Variants in CHST12 observed in about 807,000 individuals in gnomAD.
The protein encoded by CHST12 is carbohydrate (chondroitin 4) sulfotransferase 12.
CHST12 carries 23 observed loss-of-function variants against 27.9 expected under a neutral mutation model. The observed-to-expected ratio is 0.82, with a 90% CI of 0.59 to 1.17. The LOEUF (loss-of-function observed/expected upper bound fraction) is 1.17. Among genes scored for constraint, CHST12 ranks in the 50% most tolerant of loss-of-function variants. CHST12 has a pLI of 0.00. For synonymous variants in CHST12, 322 were observed against 273.0 expected (o/e 1.18, Z -1.77); for missense variants, 682 against 603.0 (o/e 1.13, Z -1.37).
chr7:2,417,698 CTTTTCTGT>C (rs1032130299), intron 1 of CHST12, among the ~76,000 whole-genome samples: 3 of 152,116 alleles, frequency 2.0e-5, no homozygotes, highest in Admixed American at 6.5e-5. Flanking sequence ...CCTTACTCCA[CTTTTCTGT>C]TGTACTTGGG....
rs1001240305 is a variant in CHST12, at chr7:2,435,465, G to A, written c.*1581G>A. ...TGAACCCTCAGGTTTGATGGGCCCT[G>A]TCTTGATAAAAGTGTCAGAGGAGGC... On this transcript the variant is annotated 3_prime_UTR_variant, in exon 2 of 2. Transcript: ENST00000618655. 6.6e-6 allele frequency: 1 copy of A among 152,230 alleles called. No individual in the cohort carries two copies. The highest frequency in any genetic ancestry group is 2.4e-5 in the African/African-American group (1 of 41,440). 9.4% of individuals were successfully genotyped at this position (152,230 alleles called of 1,614,324 possible). A position where few individuals can be genotyped will look rare whatever the true frequency, so the allele number is the denominator to read the frequency against.
chr7:2,421,438 CTT>C (rs566799688), intron 1 of CHST12, among the ~76,000 whole-genome samples: 9 of 127,190 alleles, frequency 7.1e-5, no homozygotes, highest in Admixed American at 1.6e-4. Context: ...TTTTTTTTTA[CTT>C]TTTTTTTTTT....
In CHST12 at chr7:2,443,671, C is replaced by T. The variant is rs1017715726; in HGVS notation, c.*9787C>T. The T allele has an allele frequency of 1.3e-5, 2 of 152,192 alleles. No individual in the cohort carries two copies. Among genetic ancestry groups the T allele is most frequent in the African/African-American group, 4.8e-5 (2 of 41,448 alleles). The allele number at this position is 152,192 out of a possible 1,614,324, so 9.4% of individuals were successfully genotyped here. On this transcript the variant is annotated 3_prime_UTR_variant, in exon 2 of 2. Transcript: ENST00000618655. ...GTCGGGACTCTGCAGCCGAGTTTGC[C>T]TCCTTGAATGCACACATAACACAGG... is the stretch of plus-strand genomic sequence containing the variant.
rs746944713 is a variant in CHST12, at chr7:2,441,608, G to T, written c.*7724G>T. The T allele has an allele frequency of 6.6e-6, 1 of 150,674 alleles. No individual in the cohort carries two copies. The highest frequency in any genetic ancestry group is 2.5e-5 in the African/African-American group (1 of 40,798). The allele number at this position is 150,674 out of a possible 1,614,324, so 9.3% of individuals were successfully genotyped here. On this transcript the variant is annotated 3_prime_UTR_variant, in exon 2 of 2. Transcript: ENST00000618655. ...CTTGGGAGGCTGAGGTGGGAGGATC[G>T]CTTGAGTCTGGGAGGTCGAGGCTGC... is the stretch of plus-strand genomic sequence containing the variant.
chr7:2,433,130 G>A lies in CHST12; in HGVS notation c.491G>A (p.Gly164Glu), dbSNP rs1450580849. Residue 164 changes from glycine (G) to glutamate (E), a missense_variant, in exon 2 of 2, where the codon GGG becomes GAG. Physicochemically the swap from Gly to Glu is moderately conservative, Grantham distance 98 (BLOSUM62 -2). Coordinates refer to ENST00000618655, the MANE Select transcript of CHST12 (RefSeq NM_018641.5). The surrounding 1 kb of genome is among the most constrained non-coding windows in gnomAD (Gnocchi z 6.1). The stretch of plus-strand genomic sequence containing the variant: ...CACCTGATCGTGGACGACCGGCACG[G>A]GGCCATCTACTGCTACGTGCCCAAG... ...LSHLIVDDRH[G>E]AIYCYVPKVA... 3.1e-6 allele frequency: 5 copies of A among 1,612,586 alleles called. No homozygotes were observed. The highest frequency in any genetic ancestry group is 4.5e-5 in the East Asian group (2 of 44,864).
At position 2,419,707 on chromosome 7, in the gene CHST12, C is replaced by CAAA. The variant is rs562438536; in HGVS notation, c.-77-12840_-77-12838dup. Among the ~76,000 whole-genome samples the CAAA allele has an allele frequency of 1.1e-4, 11 of 99,868 alleles. 1 individual carries two copies. Among genetic ancestry groups the CAAA allele is most frequent in the Non-Finnish European group, 8.8e-5 (4 of 45,482 alleles). The allele number at this position is 99,868 out of a possible 152,430, so 65.5% of individuals were successfully genotyped here. ...AGGCAACAAGAGCAAAACTCCGTCT[C>CAAA]AAAAAAAAAAAAAAAAAATTACCAT... On this transcript the variant is annotated intron_variant, in intron 1 of 1. Coordinates refer to ENST00000618655, the MANE Select transcript of CHST12 (RefSeq NM_018641.5).
Position 2,443,520 on chromosome 7 carries a change from C to G in CHST12, c.*9636C>G, listed in dbSNP as rs1278825307. 6.6e-6 allele frequency: 1 copy of G among 152,124 alleles called. No individual in the cohort carries two copies. Among genetic ancestry groups the G allele is most frequent in the Non-Finnish European group, 1.5e-5 (1 of 68,042 alleles). 9.4% of individuals were successfully genotyped at this position (152,124 alleles called of 1,614,324 possible). Reference sequence around the variant, plus strand: ...GGGGACCGCGGCTCTGGAGTATATGCCTAGGAGTAGGAGTGTGGGGTCATA... The same window carrying G: ...GGGGACCGCGGCTCTGGAGTATATGGCTAGGAGTAGGAGTGTGGGGTCATA... On this transcript the variant is annotated 3_prime_UTR_variant, in exon 2 of 2. Coordinates refer to ENST00000618655, the MANE Select transcript of CHST12 (RefSeq NM_018641.5).
intron 1 of CHST12, 38 bp from the exon 2 acceptor site, chr7:2,432,525 C>T (rs1193674969): frequency 2.5e-6 from 3 of 1,202,572 alleles, no homozygotes; most frequent in Middle Eastern, 2.7e-4. Context: ...AGCCCCAGTG[C>T]ACCTCAGTCA....
chr7:2,428,727 A>G (rs1782198059), intron 1 of CHST12, among the ~76,000 whole-genome samples: 1 of 152,196 alleles, frequency 6.6e-6, no homozygotes, highest in Non-Finnish European at 1.5e-5. Context: ...GTGCATCAGT[A>G]ATTTCTAACA....
chr7:2,431,687 C>G (rs565189678), intron 1 of CHST12, among the ~76,000 whole-genome samples: 1 of 152,336 alleles, frequency 6.6e-6, no homozygotes, highest in South Asian at 2.1e-4. Context: ...CCCCCTGGTG[C>G]CTGGCAGGGG....
chr7:2,403,680 GGCGCGGC>G lies in CHST12; in HGVS notation c.-78+9_-78+15del, dbSNP rs1375838077. The G allele has an allele frequency of 2.6e-5, 4 of 153,754 alleles. No homozygotes were observed. Among genetic ancestry groups the G allele is most frequent in the Non-Finnish European group, 5.7e-5 (4 of 69,704 alleles). The allele number at this position is 153,754 out of a possible 1,614,324, so 9.5% of individuals were successfully genotyped here. A position where few individuals can be genotyped will look rare whatever the true frequency, so the allele number is the denominator to read the frequency against. ...GCGAGGTGAGGGTCGCGAGGTGAGGGGCGCGGCGGGCGGCGGGCTCGGGGCGCGGTCT... is the reference window on the plus strand; with the variant it reads ...GCGAGGTGAGGGTCGCGAGGTGAGGGGGGCGGCGGGCTCGGGGCGCGGTCT... On this transcript the variant is annotated splice_region_variant and intron_variant, in intron 1 of 1. Coordinates refer to ENST00000618655, the MANE Select transcript of CHST12 (RefSeq NM_018641.5).
Position 2,433,161 on chromosome 7 carries a change from C to G in CHST12, c.522C>G (p.Ala174=), listed in dbSNP as rs1043717056. ...GAIYCYVPKV[A]CTNWKRVMIV... ...TCTACTGCTACGTGCCCAAGGTGGCCTGCACCAACTGGAAGCGCGTGATGA... is the reference window on the plus strand; with the variant it reads ...TCTACTGCTACGTGCCCAAGGTGGCGTGCACCAACTGGAAGCGCGTGATGA... The change falls in exon 2 of 2, where the codon GCC becomes GCG. Residue 174 remains alanine, a synonymous_variant. Transcript: ENST00000618655. The surrounding 1 kb of genome is among the most constrained non-coding windows in gnomAD (Gnocchi z 6.1). 6.2e-7 allele frequency: 1 copy of G among 1,612,986 alleles called. No homozygotes were observed. The highest frequency in any genetic ancestry group is 1.3e-5 in the African/African-American group (1 of 74,926).
At chr7:2,420,400 C>T (rs1781938971) in intron 1 of CHST12, among the ~76,000 whole-genome samples, 1 of 152,176 alleles carries the variant, frequency 6.6e-6, no homozygotes, top group Admixed American at 6.6e-5. Flanking sequence ...CATGGGTTGA[C>T]CACAGTTTGC....
intron 1 of CHST12, among the ~76,000 whole-genome samples, chr7:2,427,754 A>G (rs780621341): frequency 1.3e-5 from 2 of 152,080 alleles, no homozygotes; most frequent in Non-Finnish European, 2.9e-5. Context: ...GATAGATTAC[A>G]TGGTTGATTT....
rs1782763847 is a variant in CHST12 at position 2,446,759 on chromosome 7, C to G, written c.*12875C>G. Reference sequence around the variant, plus strand: ...AACAGAAAAAGTTCTGGTACAAGATCAACCCCGTGGGGTGGTGAGTGCTGC... The same window carrying G: ...AACAGAAAAAGTTCTGGTACAAGATGAACCCCGTGGGGTGGTGAGTGCTGC... On this transcript the variant is annotated 3_prime_UTR_variant, in exon 2 of 2. Transcript: ENST00000618655. The G allele has an allele frequency of 6.6e-6, 1 of 152,468 alleles. No homozygotes were observed. The highest frequency in any genetic ancestry group is 2.4e-5 in the African/African-American group (1 of 41,460). The allele number at this position is 152,468 out of a possible 1,614,324, so 9.4% of individuals were successfully genotyped here. A position where few individuals can be genotyped will look rare whatever the true frequency, so the allele number is the denominator to read the frequency against.
rs1164384659 is a variant in CHST12, at chr7:2,436,250, A to G, written c.*2366A>G. On this transcript the variant is annotated 3_prime_UTR_variant, in exon 2 of 2. Transcript: ENST00000618655. ...CCACCATCATCTCCAGAGCTTTCTC[A>G]TCTTCCCAAACTGAAACTCTGTCCC... is the stretch of plus-strand genomic sequence containing the variant. 6.6e-6 allele frequency: 1 copy of G among 152,218 alleles called. No individual in the cohort carries two copies. The highest frequency in any genetic ancestry group is 2.4e-5 in the African/African-American group (1 of 41,454). The allele number at this position is 152,218 out of a possible 1,614,324, so 9.4% of individuals were successfully genotyped here.
chr7:2,424,419 G>C (rs1380069734), intron 1 of CHST12, among the ~76,000 whole-genome samples: 1 of 151,302 alleles, frequency 6.6e-6, no homozygotes, highest in East Asian at 2.0e-4. Context: ...TCAGCCTCAT[G>C]AACTTTGAGG....
At chr7:2,425,010 A>G (rs1782073191) in intron 1 of CHST12, among the ~76,000 whole-genome samples, 1 of 152,156 alleles carries the variant, frequency 6.6e-6, no homozygotes, top group Non-Finnish European at 1.5e-5. Flanking sequence ...GTTCAAGACC[A>G]GCCTGGCCAA....
At chr7:2,428,823 C>G (rs532935574) in intron 1 of CHST12, among the ~76,000 whole-genome samples, 56 of 152,252 alleles carry the variant, frequency 3.7e-4, no homozygotes, top group African/African-American at 1.3e-3. Flanking sequence ...AAGCTGGTTA[C>G]AAACAATCCA....
Sources: allele counts gnomAD v4.1 joint callset (sites outside exome capture counted in the v4.1 genomes callset), GRCh38; gene constraint gnomAD v4.1.1; non-coding constraint Gnocchi (gnomAD v3.1); transcripts MANE v1.5; gene names NCBI Gene and HGNC (gene_info 2026-07-23, HGNC 2026-07-21).